BABAM2: variants seen among roughly 807,000 people sequenced by gnomAD.
BABAM2 encodes the protein BRISC and BRCA1-A complex member 2.
BABAM2 carries 31 observed loss-of-function variants against 54.7 expected under a neutral mutation model. The observed-to-expected ratio is 0.57, with a 90% CI of 0.43 to 0.77. The LOEUF is 0.77. Among genes scored for constraint, BABAM2 ranks in the 30% least tolerant of loss-of-function variants. The pLI, the probability that BABAM2 is intolerant of heterozygous loss-of-function variation, is 0.00. For synonymous variants in BABAM2, 167 were observed against 162.9 expected, an observed-to-expected ratio of 1.03 and a Z score of -0.19; for missense variants, 364 against 455.8, an observed-to-expected ratio of 0.80 and a Z score of 1.83.
At chr2:27,940,905 C>A (rs1164338777) in intron 3 of BABAM2, among the ~76,000 whole-genome samples, 1 of 152,176 alleles carries the variant, frequency 6.6e-6, no homozygotes, top group African/African-American at 2.4e-5. Flanking sequence ...TCTATTGTCA[C>A]TGTATTCTAA....
chr2:27,909,545 T>C (rs1407988785), intron 2 of BABAM2, among the ~76,000 whole-genome samples: 1 of 152,222 alleles, frequency 6.6e-6, no homozygotes, highest in Non-Finnish European at 1.5e-5. Flanking sequence ...TGTCTTTTAA[T>C]GCGCAAAAGT....
At chr2:28,197,679 C>T (rs564252492) in intron 7 of BABAM2, among the ~76,000 whole-genome samples, 1 of 152,266 alleles carries the variant, frequency 6.6e-6, no homozygotes, top group South Asian at 2.1e-4. Context: ...ATGTCAGAAT[C>T]ATTTGGAGAA....
At chr2:28,068,794 C>T (rs578001701) in intron 6 of BABAM2, among the ~76,000 whole-genome samples, 41 of 152,088 alleles carry the variant, frequency 2.7e-4, no homozygotes, top group Non-Finnish European at 5.1e-4. Flanking sequence ...CCGACACCGA[C>T]ATATCTTATA....
intron 10 of BABAM2, among the ~76,000 whole-genome samples, chr2:28,248,939 T>G (rs2148093351): frequency 6.6e-6 from 1 of 152,280 alleles, no homozygotes. Flanking sequence ...TTAGGGGATA[T>G]AAGTATATAA....
chr2:28,238,547 T>C (rs1682126338), intron 8 of BABAM2, among the ~76,000 whole-genome samples: 1 of 152,250 alleles, frequency 6.6e-6, no homozygotes, highest in South Asian at 2.1e-4. Flanking sequence ...ATTTTTCAAA[T>C]GTCAGAGAAA....
chr2:27,993,087 A>G (rs980101961), intron 4 of BABAM2, among the ~76,000 whole-genome samples: 3 of 152,210 alleles, frequency 2.0e-5, no homozygotes, highest in Non-Finnish European at 4.4e-5. Context: ...TGTCTCTGCC[A>G]GGGTGACCAA....
intron 7 of BABAM2, among the ~76,000 whole-genome samples, chr2:28,178,699 G>GT (rs33941613): frequency 0.91 from 135,055 of 148,220 alleles, 61,606 homozygotes; most frequent in South Asian, 0.96. Context: ...TAAAACAAAG[G>GT]TTTTTTTTTT....
rs186075432 is a variant in BABAM2 at position 27,908,236 on chromosome 2, A to G, written c.128+13552A>G. On this transcript the variant is annotated intron_variant, in intron 2 of 11. Transcript: ENST00000379624. ...CTGTCACATGGGTAGTGAGTATAGT[A>G]CTCAATAGGTAGGTTCTCTTTTTTT... Among the ~76,000 whole-genome samples the G allele has an allele frequency of 5.9e-5, 9 of 152,042 alleles. No homozygotes were observed. In the East Asian group the frequency reaches 1.7e-3, roughly 29 times the overall value.
At chr2:28,107,304 G>A (rs546591797) in intron 6 of BABAM2, among the ~76,000 whole-genome samples, 11 of 152,200 alleles carry the variant, frequency 7.2e-5, no homozygotes, top group South Asian at 2.1e-4. Context: ...TCCAAAGCTC[G>A]TAGAATACTG....
intron 11 of BABAM2, among the ~76,000 whole-genome samples, chr2:28,326,213 C>T (rs1384153436): frequency 6.6e-6 from 1 of 152,194 alleles, no homozygotes; most frequent in Non-Finnish European, 1.5e-5. Flanking sequence ...ACAGGCGGCC[C>T]ACTTTTCCCA....
chr2:28,193,530 G>C (rs372412447), intron 7 of BABAM2, among the ~76,000 whole-genome samples: 1 of 152,138 alleles, frequency 6.6e-6, no homozygotes, highest in East Asian at 1.9e-4. Flanking sequence ...ATTGATACAA[G>C]AGCATACTGC....
At chr2:28,066,492 G>A (rs1663591915) in intron 6 of BABAM2, among the ~76,000 whole-genome samples, 1 of 152,130 alleles carries the variant, frequency 6.6e-6, no homozygotes, top group South Asian at 2.1e-4. Flanking sequence ...ACATTTAGTG[G>A]CTTAAGACAA....
At chr2:28,085,648 A>T (rs1012816964) in intron 6 of BABAM2, among the ~76,000 whole-genome samples, 2 of 152,150 alleles carry the variant, frequency 1.3e-5, no homozygotes, top group Non-Finnish European at 2.9e-5. Flanking sequence ...ATTTTTAGCC[A>T]TACATGATTC....
chr2:28,102,030 G>T (rs1667125565), intron 6 of BABAM2, among the ~76,000 whole-genome samples: 1 of 152,152 alleles, frequency 6.6e-6, no homozygotes, highest in Non-Finnish European at 1.5e-5. Flanking sequence ...TTGGAAACAA[G>T]ATAACTCCTA....
At chr2:28,152,584 A>T (rs927792177) in intron 7 of BABAM2, among the ~76,000 whole-genome samples, 1 of 152,190 alleles carries the variant, frequency 6.6e-6, no homozygotes, top group African/African-American at 2.4e-5. Flanking sequence ...GAATGGGCAC[A>T]GGGGATGAAC....
At chr2:27,951,072 A>G (rs780407947) in intron 3 of BABAM2, among the ~76,000 whole-genome samples, 13 of 152,176 alleles carry the variant, frequency 8.5e-5, no homozygotes, top group Non-Finnish European at 1.8e-4. Flanking sequence ...GTGGTAAAGA[A>G]AAAAGTGGTA....
chr2:28,207,089 C>G (rs1239389669), intron 7 of BABAM2, among the ~76,000 whole-genome samples: 2 of 152,184 alleles, frequency 1.3e-5, no homozygotes, highest in Non-Finnish European at 2.9e-5. Context: ...GTTCAGACTC[C>G]AAGTCTGAGG....
At chr2:28,181,521 A>G (rs937302054) in intron 7 of BABAM2, among the ~76,000 whole-genome samples, 1 of 152,216 alleles carries the variant, frequency 6.6e-6, no homozygotes, top group Non-Finnish European at 1.5e-5. Context: ...TCTTGTTAAC[A>G]ATGTATTGTA....
intron 7 of BABAM2, among the ~76,000 whole-genome samples, chr2:28,165,984 G>A (rs1573730516): frequency 6.6e-6 from 1 of 152,132 alleles, no homozygotes; most frequent in East Asian, 1.9e-4. Context: ...TTAGAATGAG[G>A]TCATCAGAAT....
Sources: allele counts gnomAD v4.1 joint callset (sites outside exome capture counted in the v4.1 genomes callset), GRCh38; gene constraint gnomAD v4.1.1; transcripts MANE v1.5; gene names NCBI Gene and HGNC (gene_info 2026-07-23, HGNC 2026-07-21).